RBFOX1: variants seen among roughly 807,000 people sequenced by gnomAD.
RBFOX1 encodes RNA binding protein fox-1 homolog 1.
RBFOX1 carries 8 observed loss-of-function variants against 57.7 expected under a neutral mutation model. The observed-to-expected ratio is 0.14, with a 90% CI of 0.08 to 0.25. RBFOX1 has a LOEUF of 0.25. RBFOX1 is among the 10% of genes least tolerant of loss of function. The pLI is 1.00. For synonymous variants in RBFOX1, 326 were observed against 222.4 expected, an observed-to-expected ratio of 1.47 and a Z score of -4.15; for missense variants, 611 against 548.5, an observed-to-expected ratio of 1.11 and a Z score of -1.14.
At position 6,895,468 on chromosome 16, in the gene RBFOX1, A is replaced by G. The variant is rs931586708; in HGVS notation, c.-15-156589A>G. Among the ~76,000 whole-genome samples, 53 of 131,352 alleles carry G rather than the reference A, an allele frequency of 4.0e-4. 2 individuals are homozygous for G. The highest frequency in any genetic ancestry group is 1.4e-3 in the African/African-American group (48 of 34,356). 86.2% of individuals were successfully genotyped at this position (131,352 alleles called of 152,430 possible). On this transcript the variant is annotated intron_variant, in intron 3 of 15. Transcript: ENST00000550418. ...TGTGTGTATATATATATATATATATATATATATATATATATATATTTATTC... is the reference window on the plus strand; with the variant it reads ...TGTGTGTATATATATATATATATATGTATATATATATATATATATTTATTC...
chr16:5,671,054 A>G, intron 3 of RBFOX1, among the ~76,000 whole-genome samples: 1 of 152,226 alleles, frequency 6.6e-6, no homozygotes, highest in Admixed American at 6.5e-5. Flanking sequence ...GGACATCAGC[A>G]AATGCTGGGT....
chr16:7,415,936 T>C (rs1325675400), intron 4 of RBFOX1, among the ~76,000 whole-genome samples: 9 of 152,108 alleles, frequency 5.9e-5, no homozygotes, highest in African/African-American at 1.9e-4. Context: ...GGGCTGGTAG[T>C]GGTTTAGGAG....
intron 4 of RBFOX1, among the ~76,000 whole-genome samples, chr16:7,291,133 A>G (rs2095763353): frequency 6.6e-6 from 1 of 152,206 alleles, no homozygotes; most frequent in African/African-American, 2.4e-5. Flanking sequence ...CAAGGTGACC[A>G]GTATCTGGAC....
intron 11 of RBFOX1, among the ~76,000 whole-genome samples, chr16:7,650,465 A>G (rs980662596): frequency 5.9e-5 from 9 of 152,228 alleles, no homozygotes; most frequent in Non-Finnish European, 1.0e-4. Context: ...ACCTCCTAGG[A>G]AGCCTTGTAA....
chr16:5,376,871 T>C (rs2065997864), intron 1 of RBFOX1, among the ~76,000 whole-genome samples: 1 of 150,176 alleles, frequency 6.7e-6, no homozygotes, highest in Admixed American at 6.6e-5. Flanking sequence ...AGGTTCTGCG[T>C]CATCTCCAAG....
chr16:6,422,321 C>CG (rs910486144), intron 2 of RBFOX1, among the ~76,000 whole-genome samples: 5 of 151,060 alleles, frequency 3.3e-5, no homozygotes, highest in African/African-American at 1.2e-4. Context: ...TACTGAGGTT[C>CG]GGGGTGTGGA....
At chr16:6,509,877 G>A (rs570676428) in intron 2 of RBFOX1, among the ~76,000 whole-genome samples, 109 of 152,294 alleles carry the variant, frequency 7.2e-4, no homozygotes, top group Non-Finnish European at 8.8e-4. Context: ...TGTAGGAGAA[G>A]TCAGATTTGA....
At chr16:7,040,105 C>G (rs945862365) in intron 3 of RBFOX1, among the ~76,000 whole-genome samples, 1 of 152,028 alleles carries the variant, frequency 6.6e-6, no homozygotes, top group Non-Finnish European at 1.5e-5. Context: ...ACTGCAACCT[C>G]TGCCTCCCAG....
intron 2 of RBFOX1, among the ~76,000 whole-genome samples, chr16:6,652,977 C>T (rs971011383): frequency 6.6e-6 from 1 of 152,160 alleles, no homozygotes; most frequent in African/African-American, 2.4e-5. Flanking sequence ...AAGTAAACAT[C>T]TCCCTGTGAT....
chr16:6,466,403 TCAGCCAC>T (rs1332742679), intron 2 of RBFOX1, among the ~76,000 whole-genome samples: 1 of 152,170 alleles, frequency 6.6e-6, no homozygotes, highest in African/African-American at 2.4e-5. Context: ...TAGAATCCTC[TCAGCCAC>T]CACCTGAAGT....
chr16:5,772,126 C>T (rs1230132379), intron 3 of RBFOX1, among the ~76,000 whole-genome samples: 1 of 151,676 alleles, frequency 6.6e-6, no homozygotes, highest in Non-Finnish European at 1.5e-5. Context: ...GAGCCGAGAT[C>T]ACACCAGCAC....
chr16:5,526,082 G>C (rs1047262013), intron 2 of RBFOX1, among the ~76,000 whole-genome samples: 1 of 152,010 alleles, frequency 6.6e-6, no homozygotes, highest in Non-Finnish European at 1.5e-5. Flanking sequence ...TGTGTAGACA[G>C]TACCAGCCCC....
chr16:7,265,958 G>GTATTTTTTTT, intron 4 of RBFOX1, among the ~76,000 whole-genome samples: 1 of 107,604 alleles, frequency 9.3e-6, no homozygotes, highest in Non-Finnish European at 1.7e-5. Context: ...GATCTGGTGG[G>GTATTTTTTTT]TTTTTGTTTT....
At chr16:5,339,122 A>G (rs1176193232) in intron 1 of RBFOX1, among the ~76,000 whole-genome samples, 2 of 152,068 alleles carry the variant, frequency 1.3e-5, no homozygotes, top group Non-Finnish European at 2.9e-5. Flanking sequence ...CCTCCTGTAT[A>G]GCTGAAATGT....
At chr16:6,858,292 CTG>C (rs970447310) in intron 3 of RBFOX1, among the ~76,000 whole-genome samples, 3 of 152,162 alleles carry the variant, frequency 2.0e-5, no homozygotes, top group Non-Finnish European at 2.9e-5. Flanking sequence ...TCTTCCCTCT[CTG>C]TGTTGAGAGA....
At chr16:5,612,932 G>C (rs1055350739) in intron 3 of RBFOX1, among the ~76,000 whole-genome samples, 2 of 152,170 alleles carry the variant, frequency 1.3e-5, no homozygotes, top group African/African-American at 4.8e-5. Flanking sequence ...ACATGGATCT[G>C]GCCCCTTCCT....
At chr16:6,471,588 A>G (rs959935151) in intron 2 of RBFOX1, among the ~76,000 whole-genome samples, 7 of 152,178 alleles carry the variant, frequency 4.6e-5, no homozygotes, top group East Asian at 3.9e-4. Flanking sequence ...GGAAAAAAAA[A>G]AAAAAAACCT....
intron 4 of RBFOX1, among the ~76,000 whole-genome samples, chr16:7,297,447 T>C (rs2095919609): frequency 6.6e-6 from 1 of 152,190 alleles, no homozygotes; most frequent in African/African-American, 2.4e-5. Flanking sequence ...TTTCTGACAT[T>C]GTCCCTAAGA....
At chr16:6,957,427 T>C (rs1356469911) in intron 3 of RBFOX1, among the ~76,000 whole-genome samples, 1 of 152,168 alleles carries the variant, frequency 6.6e-6, no homozygotes, top group Non-Finnish European at 1.5e-5. Flanking sequence ...CATGATATGC[T>C]AAACAAGGGG....
Sources: allele counts gnomAD v4.1 joint callset (sites outside exome capture counted in the v4.1 genomes callset), GRCh38; gene constraint gnomAD v4.1.1; transcripts MANE v1.5; gene names NCBI Gene and HGNC (gene_info 2026-07-23, HGNC 2026-07-21).